CLCC1: variants seen among roughly 807,000 people sequenced by gnomAD.
CLCC1 encodes the protein chloride channel CLIC like 1, also known as chloride channel CLIC-like protein 1.
In CLCC1, 39 loss-of-function variants were observed where a neutral mutation model predicts 63.3. That is an observed-to-expected ratio of 0.62 (90% CI 0.48 to 0.81). The LOEUF (loss-of-function observed/expected upper bound fraction) is 0.81, where lower values mean the gene tolerates loss of function less well. Ranked by LOEUF, CLCC1 falls within the 30% of genes least tolerant of loss-of-function variation. CLCC1 has a pLI of 0.00. For synonymous variants in CLCC1, 217 were observed against 239.8 expected, an observed-to-expected ratio of 0.90 and a Z score of 0.88; for missense variants, 549 against 669.4, an observed-to-expected ratio of 0.82 and a Z score of 1.98.
intron 5 of CLCC1, among the ~76,000 whole-genome samples, chr1:108,944,296 C>A (rs1350626161): frequency 2.0e-5 from 3 of 151,962 alleles, no homozygotes; most frequent in Non-Finnish European, 4.4e-5. Flanking sequence ...AAAGCGAGAC[C>A]CCATCTCTAC....
At chr1:108,939,300 A>T (rs1008866345) in intron 10 of CLCC1, among the ~76,000 whole-genome samples, 1 of 146,130 alleles carries the variant, frequency 6.8e-6, no homozygotes, top group Non-Finnish European at 1.5e-5. Context: ...AAATATACAT[A>T]TATGTATAAT....
intron 12 of CLCC1, 188 bp downstream of exon 12, chr1:108,934,433 TCTTA>T (rs1228422968): frequency 2.0e-6 from 1 of 504,856 alleles, no homozygotes; most frequent in Non-Finnish European, 3.5e-6. Context: ...AATAAACACT[TCTTA>T]CTTTATGGGA....
chr1:108,939,565 T>G, intron 10 of CLCC1, 71 bp downstream of exon 10: 2 of 1,433,588 alleles, frequency 1.4e-6, no homozygotes, highest in Non-Finnish European at 1.9e-6. Context: ...CGCCTAGGCC[T>G]CCCAAAGTGC....
At position 108,937,340 on chromosome 1, in the gene CLCC1, G is replaced by A. The variant is rs1653167226; in HGVS notation, c.1120C>T (p.Leu374Phe). ...TGCCGTCTTCTATCCCGTGGCCGAAGTGCCTGGGGAGGTTCGCTCTCAGGA... is the reference window on the plus strand; with the variant it reads ...TGCCGTCTTCTATCCCGTGGCCGAAATGCCTGGGGAGGTTCGCTCTCAGGA... Reference protein sequence around the residue: ...GGPESEPPQALRPRDRRRQEE... With the variant: ...GGPESEPPQAFRPRDRRRQEE... The change falls in exon 11 of 13, where the codon CTT (leucine) becomes TTT (phenylalanine). Residue 374 changes from leucine to phenylalanine, a missense_variant. Physicochemically the swap from Leu to Phe is conservative, Grantham distance 22. Transcript: ENST00000369969. The A allele has an allele frequency of 6.2e-7, 1 of 1,614,210 alleles. No individual in the cohort carries two copies. The highest frequency in any genetic ancestry group is 8.5e-7 in the Non-Finnish European group (1 of 1,180,028).
At chr1:108,963,067 T>C (rs550743) in intron 1 of CLCC1, among the ~76,000 whole-genome samples, 117,512 of 152,248 alleles carry the variant, frequency 0.77, 45,620 homozygotes, top group Middle Eastern at 0.87. Flanking sequence ...CAACGTGCGC[T>C]CAGGTCTCGC....
chr1:108,951,297 G>A (rs958421648), intron 2 of CLCC1, among the ~76,000 whole-genome samples: 2 of 152,166 alleles, frequency 1.3e-5, no homozygotes, highest in African/African-American at 2.4e-5. Context: ...CAGGTGGATC[G>A]CTTGAGCCTG....
chr1:108,934,603 G>A, intron 12 of CLCC1, 22 bp downstream of exon 12: 1 of 1,519,032 alleles, frequency 6.6e-7, no homozygotes. Flanking sequence ...AGAAGAGAAA[G>A]AGAGTGAAGA....
rs1474006364 is a variant in CLCC1 at position 108,931,981 on chromosome 1, ACACTATATAGGC to A, written c.*554_*565del. ...CTGTTCTGATTTTCCTAAAAGCTTC[ACACTATATAGGC>A]TGGGCACAATGGCTCATGCCTGTAA... On this transcript the variant is annotated 3_prime_UTR_variant, in exon 13 of 13. Transcript: ENST00000369969. 1.3e-5 allele frequency: 2 copies of A among 153,376 alleles called. No homozygotes were observed. The highest frequency in any genetic ancestry group is 1.3e-4 in the Admixed American group (2 of 15,402). The allele number at this position is 153,376 out of a possible 1,614,324, so 9.5% of individuals were successfully genotyped here. A position where few individuals can be genotyped will look rare whatever the true frequency, so the allele number is the denominator to read the frequency against.
chr1:108,951,243 G>A (rs147643486), intron 2 of CLCC1, among the ~76,000 whole-genome samples: 17 of 152,276 alleles, frequency 1.1e-4, no homozygotes, highest in East Asian at 5.8e-4. Context: ...TTAGCCAGGC[G>A]TGGTAGCGCA....
intron 2 of CLCC1, among the ~76,000 whole-genome samples, chr1:108,956,787 G>A (rs1394630091): frequency 2.1e-5 from 3 of 145,642 alleles, no homozygotes; most frequent in Admixed American, 1.4e-4. Flanking sequence ...AGAAGACACA[G>A]CAAGTATAGA....
Position 108,937,383 on chromosome 1 carries a change from C to T in CLCC1, c.1077G>A (p.Val359=). ...FCYGAGKSVH[V]LRHIGGPESE... ...TCTCAGGACCGCCTATATGTCTCAGCACATGAACTGATTTTCCAGCACCAT... is the reference window on the plus strand; with the variant it reads ...TCTCAGGACCGCCTATATGTCTCAGTACATGAACTGATTTTCCAGCACCAT... The change falls in exon 11 of 13, where the codon GTG becomes GTA. Residue 359 remains valine (V), a synonymous_variant. Coordinates refer to ENST00000369969, the MANE Select transcript of CLCC1 (RefSeq NM_001377458.1). The T allele has an allele frequency of 6.2e-7, 1 of 1,610,520 alleles. No homozygotes were observed.
rs2101588682 is a variant in CLCC1, at chr1:108,931,476, C to T, written c.*1071G>A. 1 of 1,550,630 alleles carries T rather than the reference C, an allele frequency of 6.4e-7. No individual in the cohort carries two copies. Among genetic ancestry groups the T allele is most frequent in the Non-Finnish European group, 8.7e-7 (1 of 1,146,990 alleles). ...CTTGTTTCACTCTGCTTGCTTCAGACTGTGCACAGCTGGGATGGGATCTGG... is the reference window on the plus strand; with the variant it reads ...CTTGTTTCACTCTGCTTGCTTCAGATTGTGCACAGCTGGGATGGGATCTGG... On this transcript the variant is annotated 3_prime_UTR_variant, in exon 13 of 13. Transcript: ENST00000369969.
At position 108,940,078 on chromosome 1, in the gene CLCC1, T is replaced by A; in HGVS notation, c.861A>T (p.Leu287=). 2 of 1,613,738 alleles carry A rather than the reference T, an allele frequency of 1.2e-6. No homozygotes were observed. The highest frequency in any genetic ancestry group is 1.7e-6 in the Non-Finnish European group (2 of 1,179,746). ...DPCQKYYELL[L]VNPIWLVPPT... ...GTGGGACCAACCAAATAGGGTTGACTAGTAAGAGCTCATAGTATTTTTGGC... is the reference window on the plus strand; with the variant it reads ...GTGGGACCAACCAAATAGGGTTGACAAGTAAGAGCTCATAGTATTTTTGGC... Residue 287 remains leucine, a synonymous_variant, in exon 9 of 13, where the codon CTA becomes CTT. Coordinates refer to ENST00000369969, the MANE Select transcript of CLCC1 (RefSeq NM_001377458.1).
At position 108,930,129 on chromosome 1, in the gene CLCC1, G is replaced by A; in HGVS notation, c.*2418C>T. ...TGGACATGCGCGTTTGAGGGTGGAG[G>A]GGTCCTGTAAGGTGCTTCATCGTCT... On this transcript the variant is annotated 3_prime_UTR_variant, in exon 13 of 13. Coordinates refer to ENST00000369969, the MANE Select transcript of CLCC1 (RefSeq NM_001377458.1). The A allele has an allele frequency of 1.7e-6, 1 of 604,614 alleles. No individual in the cohort carries two copies. The highest frequency in any genetic ancestry group is 2.9e-6 in the Non-Finnish European group (1 of 348,174). The allele number at this position is 604,614 out of a possible 1,614,324, so 37.5% of individuals were successfully genotyped here.
intron 5 of CLCC1, among the ~76,000 whole-genome samples, chr1:108,944,407 T>C (rs1012073977): frequency 1.3e-4 from 19 of 151,880 alleles, no homozygotes; most frequent in Non-Finnish European, 2.2e-4. Flanking sequence ...GATTCGAGGC[T>C]GCAGTAAGCT....
intron 5 of CLCC1, among the ~76,000 whole-genome samples, chr1:108,945,509 T>G (rs1654424858): frequency 6.6e-6 from 1 of 152,192 alleles, no homozygotes; most frequent in Non-Finnish European, 1.5e-5. Flanking sequence ...TTACCACTCT[T>G]CACTGTGTCC....
In CLCC1 at chr1:108,937,144, G is replaced by A. The variant is rs746722429; in HGVS notation, c.1316C>T (p.Pro439Leu). The change falls in exon 11 of 13, where the codon CCT becomes CTT. Residue 439 changes from proline (P) to leucine (L), a missense_variant. Coordinates refer to ENST00000369969, the MANE Select transcript of CLCC1 (RefSeq NM_001377458.1). The part of the protein sequence containing the change: ...DLRFQTGNKS[P>L]EVLRAFDVPD... ...TACATCAAATGCCCGGAGCACTTCA[G>A]GGCTCTTGTTGCCAGTCTGAAATCT... 6 of 1,567,846 alleles carry A rather than the reference G, an allele frequency of 3.8e-6. No individual in the cohort carries two copies. The highest frequency in any genetic ancestry group is 1.7e-4 in the Middle Eastern group (1 of 5,810).
chr1:108,937,034 C>T (rs770620908), intron 11 of CLCC1, 43 bp downstream of exon 11: 1 of 1,347,980 alleles, frequency 7.4e-7, no homozygotes, highest in Non-Finnish European at 9.8e-7. Context: ...GGATTTAGAA[C>T]CAGTAATGAA....
At chr1:108,941,113 C>T (rs147172032) in intron 8 of CLCC1, among the ~76,000 whole-genome samples, 1 of 152,126 alleles carries the variant, frequency 6.6e-6, no homozygotes, top group Admixed American at 6.5e-5. Context: ...ATGCCAGACC[C>T]TGTGCAAAGA....
Sources: gnomAD v4.1 joint callset for allele counts (sites outside exome capture counted in the v4.1 genomes callset) on GRCh38, gnomAD v4.1.1 for gene constraint, MANE v1.5 for transcripts, NCBI Gene and HGNC (gene_info 2026-07-23, HGNC 2026-07-21) for gene names.